Variants in KCTD3 observed in about 807,000 individuals in gnomAD.
KCTD3 encodes the protein potassium channel tetramerization domain containing 3.
In KCTD3, 41 loss-of-function variants were observed where a neutral mutation model predicts 85.8. That is an observed-to-expected ratio of 0.48 (90% CI 0.37 to 0.62). The LOEUF is 0.62. Among genes scored for constraint, KCTD3 ranks in the 20% least tolerant of loss-of-function variants. The pLI, the probability that KCTD3 is intolerant of heterozygous loss-of-function variation, is 0.00. For missense variants in KCTD3, 724 were observed against 989.9 expected (o/e 0.73, Z 3.60); for synonymous variants, 338 against 345.4 (o/e 0.98, Z 0.24).
At chr1:215,586,442 C>G (rs566722663) in intron 8 of KCTD3, 53 bp from the exon 9 acceptor site, 1 of 1,423,414 alleles carries the variant, frequency 7.0e-7, no homozygotes, top group Non-Finnish European at 9.6e-7. Flanking sequence ...ATGTGTATTC[C>G]GTTTGCTTCA....
intron 6 of KCTD3, among the ~76,000 whole-genome samples, chr1:215,578,633 G>A (rs1659678373): frequency 6.6e-6 from 1 of 152,022 alleles, no homozygotes; most frequent in Admixed American, 6.5e-5. Context: ...GAAAGTATGG[G>A]GAATTTCAGT....
At chr1:215,589,428 G>A (rs1359424847) in intron 9 of KCTD3, among the ~76,000 whole-genome samples, 4 of 152,068 alleles carry the variant, frequency 2.6e-5, no homozygotes, top group Admixed American at 6.6e-5. Context: ...GGCATGAGTC[G>A]CTGTGCCTGG....
At position 215,576,067 on chromosome 1, in the gene KCTD3, T is replaced by G. The variant is rs555118616; in HGVS notation, c.257+93T>G. 129 of 754,488 alleles carry G rather than the reference T, an allele frequency of 1.7e-4. 2 individuals are homozygous for G. Among genetic ancestry groups the G allele is most frequent in the South Asian group, 8.5e-4 (50 of 58,506 alleles). The allele number at this position is 754,488 out of a possible 1,614,324, so 46.7% of individuals were successfully genotyped here. On this transcript the variant is annotated intron_variant, in intron 4 of 17. Coordinates refer to ENST00000259154, the MANE Select transcript of KCTD3 (RefSeq NM_016121.5). ...AATAAAAGGTTTTTTTTGTTTGTTT[T>G]TTTTTTTCCTTGAGTTGCAGTCTTG...
At chr1:215,595,726 T>G (rs1660394194) in intron 10 of KCTD3, among the ~76,000 whole-genome samples, 2 of 152,230 alleles carry the variant, frequency 1.3e-5, no homozygotes, top group Non-Finnish European at 2.9e-5. Flanking sequence ...CGAAGTTCTA[T>G]GCCTTGAGCA....
intron 10 of KCTD3, among the ~76,000 whole-genome samples, chr1:215,595,840 G>C (rs1660398408): frequency 6.6e-6 from 1 of 152,160 alleles, no homozygotes; most frequent in Admixed American, 6.6e-5. Flanking sequence ...TCAAGTACTT[G>C]AGAGGAATAA....
chr1:215,596,129 G>A (rs1660408417), intron 10 of KCTD3, among the ~76,000 whole-genome samples: 1 of 152,158 alleles, frequency 6.6e-6, no homozygotes, highest in African/African-American at 2.4e-5. Flanking sequence ...TGACAGGTCT[G>A]CTGTCTGATT....
chr1:215,575,989 C>A lies in KCTD3; in HGVS notation c.257+15C>A, dbSNP rs991808177. On this transcript the variant is annotated intron_variant, in intron 4 of 17. Coordinates refer to ENST00000259154, the MANE Select transcript of KCTD3 (RefSeq NM_016121.5). The stretch of plus-strand genomic sequence containing the variant: ...CTAGACTTAAGGTAAGAAATGCACT[C>A]TTTTTAAAGTAAATTCTTACTGATA... 2 of 1,269,834 alleles carry A rather than the reference C, an allele frequency of 1.6e-6. No homozygotes were observed. Among genetic ancestry groups the A allele is most frequent in the East Asian group, 2.5e-5 (1 of 40,680 alleles). 78.7% of individuals were successfully genotyped at this position (1,269,834 alleles called of 1,614,324 possible).
At chr1:215,605,756 C>T (rs1654995331) in intron 13 of KCTD3, among the ~76,000 whole-genome samples, 1 of 152,114 alleles carries the variant, frequency 6.6e-6, no homozygotes, top group South Asian at 2.1e-4. Flanking sequence ...CTTGATTTCT[C>T]CCTTTCTTTC....
At chr1:215,602,558 T>C (rs1172610809) in intron 12 of KCTD3, among the ~76,000 whole-genome samples, 1 of 151,988 alleles carries the variant, frequency 6.6e-6, no homozygotes, top group Non-Finnish European at 1.5e-5. Context: ...TTTTAAAAAA[T>C]AAAAAGTTCT....
intron 6 of KCTD3, 85 bp from the exon 7 acceptor site, chr1:215,578,915 T>C: frequency 1.1e-6 from 1 of 877,170 alleles, no homozygotes; most frequent in South Asian, 2.0e-5. Flanking sequence ...GAAATTCACA[T>C]TTTTGTTTCT....
intron 10 of KCTD3, among the ~76,000 whole-genome samples, chr1:215,596,547 T>C (rs1383488515): frequency 6.6e-6 from 1 of 152,168 alleles, no homozygotes; most frequent in African/African-American, 2.4e-5. Flanking sequence ...GGACACATTA[T>C]ATGATGGAGA....
chr1:215,567,786 G>T lies in KCTD3; in HGVS notation c.83+18G>T. The T allele has an allele frequency of 8.1e-7, 1 of 1,238,966 alleles. No homozygotes were observed. The allele number at this position is 1,238,966 out of a possible 1,614,324, so 76.7% of individuals were successfully genotyped here. A position where few individuals can be genotyped will look rare whatever the true frequency, so the allele number is the denominator to read the frequency against. On this transcript the variant is annotated intron_variant, in intron 1 of 17. Transcript: ENST00000259154. The stretch of plus-strand genomic sequence containing the variant: ...GGGACCAGGTGAGTCGGCGGGTAGC[G>T]GGCTTGCAGCGGGGATGCCTTGGCG...
At chr1:215,569,123 T>G (rs1273998364) in intron 1 of KCTD3, among the ~76,000 whole-genome samples, 1 of 150,700 alleles carries the variant, frequency 6.6e-6, no homozygotes, top group Non-Finnish European at 1.5e-5. Context: ...TTCTTTAATT[T>G]TCTTTTTTTT....
intron 15 of KCTD3, among the ~76,000 whole-genome samples, chr1:215,614,031 T>TGTTTG (rs1293575570): frequency 6.6e-5 from 9 of 136,254 alleles, no homozygotes; most frequent in African/African-American, 2.3e-4. Flanking sequence ...TTTTTTTTTT[T>TGTTTG]TTTTTTTTTT....
chr1:215,587,690 TAC>T (rs1660063728), intron 9 of KCTD3, among the ~76,000 whole-genome samples: 1 of 152,218 alleles, frequency 6.6e-6, no homozygotes, highest in Non-Finnish European at 1.5e-5. Flanking sequence ...AACTTGATCT[TAC>T]ACAGATATGT....
At chr1:215,603,195 G>A (rs1189089425) in intron 12 of KCTD3, among the ~76,000 whole-genome samples, 4 of 152,070 alleles carry the variant, frequency 2.6e-5, no homozygotes, top group African/African-American at 9.7e-5. Flanking sequence ...AACTGGGAAA[G>A]TTTTACAAAT....
Position 215,620,402 on chromosome 1 carries a change from A to C in KCTD3, c.2232A>C (p.Glu744Asp), listed in dbSNP as rs748096891. 6.2e-7 allele frequency: 1 copy of C among 1,612,524 alleles called. No individual in the cohort carries two copies. Among genetic ancestry groups the C allele is most frequent in the Admixed American group, 1.7e-5 (1 of 59,826 alleles). Residue 744 changes from glutamate to aspartate, a missense_variant, in exon 18 of 18, where the codon GAA becomes GAC. Transcript: ENST00000259154. ...GFSESKKRSS[E>D]DENENKIEFR... ...CAGAATCCAAGAAAAGGTCATCAGA[A>C]GATGAAAATGAAAATAAAATAGAGT...
At chr1:215,586,387 T>G (rs1043203444) in intron 8 of KCTD3, 108 bp from the exon 9 acceptor site, 6 of 808,930 alleles carry the variant, frequency 7.4e-6, no homozygotes, top group African/African-American at 1.8e-5. Flanking sequence ...AACTGTTTAG[T>G]TTTTTTTTTG....
intron 1 of KCTD3, among the ~76,000 whole-genome samples, chr1:215,568,969 A>G (rs923198280): frequency 6.6e-6 from 1 of 152,172 alleles, no homozygotes; most frequent in African/African-American, 2.4e-5. Flanking sequence ...AAATCACGTT[A>G]AAATATTGGA....
Sources: allele counts gnomAD v4.1 joint callset (sites outside exome capture counted in the v4.1 genomes callset), GRCh38; gene constraint gnomAD v4.1.1; transcripts MANE v1.5; gene names NCBI Gene and HGNC (gene_info 2026-07-23, HGNC 2026-07-21).